Variants in LIPI observed in about 807,000 individuals in gnomAD.
The protein encoded by LIPI is lipase member I.
Under a neutral mutation model 50.6 loss-of-function variants are expected in LIPI, and 59 were observed. The ratio of observed to expected loss-of-function variants is 1.16; its 90% CI spans 0.94 to 1.45. The LOEUF is 1.45. Among genes scored for constraint, LIPI ranks in the 40% most tolerant of loss-of-function variants. The pLI, the probability that LIPI is intolerant of heterozygous loss-of-function variation, is 0.00. For synonymous variants in LIPI, 203 were observed against 178.2 expected, an observed-to-expected ratio of 1.14 and a Z score of -1.11; for missense variants, 586 against 536.3, an observed-to-expected ratio of 1.09 and a Z score of -0.92.
At chr21:14,154,736 TAA>T (rs1049905100) in intron 7 of LIPI, among the ~76,000 whole-genome samples, 13 of 151,858 alleles carry the variant, frequency 8.6e-5, no homozygotes, top group Admixed American at 3.3e-4. Context: ...AGCAAAAAAA[TAA>T]GTTAGTCGCT....
At position 14,175,630 on chromosome 21, in the gene LIPI, G is replaced by C. The variant is rs1275379492; in HGVS notation, c.643+6128C>G. On this transcript the variant is annotated intron_variant, in intron 4 of 9. Transcript: ENST00000681601. Reference sequence around the variant, plus strand: ...TATTCATTATCCCAGTGTTATGAAGGCTTTAAAAATAATAGCTCATAAACC... The same window carrying C: ...TATTCATTATCCCAGTGTTATGAAGCCTTTAAAAATAATAGCTCATAAACC... Among the ~76,000 whole-genome samples the C allele has an allele frequency of 3.9e-5, 6 of 152,058 alleles. No homozygotes were observed. In the South Asian group the frequency reaches 8.3e-4, roughly 21 times the overall value.
chr21:14,181,745 C>T lies in LIPI; in HGVS notation c.643+13G>A, dbSNP rs377625363. 216 of 1,510,584 alleles carry T rather than the reference C, an allele frequency of 1.4e-4. No homozygotes were observed. In the African/African-American group the frequency reaches 2.8e-3, roughly 19 times the overall value. 93.6% of individuals were successfully genotyped at this position (1,510,584 alleles called of 1,614,324 possible). Reference sequence around the variant, plus strand: ...ATTTTCAAATAATTAGGTAATAAATCCTGATTTGTTACCATTGGAGTCAGA... The same window carrying T: ...ATTTTCAAATAATTAGGTAATAAATTCTGATTTGTTACCATTGGAGTCAGA... On this transcript the variant is annotated intron_variant, in intron 4 of 9. Coordinates refer to ENST00000681601, the MANE Select transcript of LIPI (RefSeq NM_001302998.2).
intron 1 of LIPI, among the ~76,000 whole-genome samples, chr21:14,202,135 G>T (rs1285112338): frequency 3.9e-5 from 6 of 152,204 alleles, no homozygotes; most frequent in African/African-American, 1.4e-4. Context: ...GGGATGTGAA[G>T]GACCTCTTCA....
Position 14,189,191 on chromosome 21 carries a change from C to T in LIPI, c.275G>A (p.Trp92Ter). ...GYRPVGSIPLWLQNFVRILLN... is the reference protein window; with the variant it reads ...GYRPVGSIPL The stretch of plus-strand genomic sequence containing the variant: ...CAAAATCCTTACGAAGTTCTGAAGC[C>T]ATAATGGGATGGAGCCTACTGGTCT... The change falls in exon 2 of 10, where the codon TGG (tryptophan) becomes TAG (stop). Residue 92 changes from tryptophan to a stop codon, truncating the protein, a stop_gained. Transcript: ENST00000681601. LOFTEE classifies it high-confidence loss of function. 1 of 1,614,104 alleles carries T rather than the reference C, an allele frequency of 6.2e-7. No individual in the cohort carries two copies.
chr21:14,150,868 G>A (rs1213703200), intron 8 of LIPI, among the ~76,000 whole-genome samples: 2 of 152,084 alleles, frequency 1.3e-5, no homozygotes, highest in Non-Finnish European at 2.9e-5. Flanking sequence ...GGTGACGGAA[G>A]GTTAGTTTAA....
intron 4 of LIPI, among the ~76,000 whole-genome samples, chr21:14,169,570 C>T (rs1267943285): frequency 2.0e-5 from 3 of 152,160 alleles, no homozygotes; most frequent in South Asian, 2.1e-4. Flanking sequence ...CACTCAAAAC[C>T]GTTCAACTAC....
chr21:14,119,862 C>T (rs2155968), intron 9 of LIPI, among the ~76,000 whole-genome samples: 22,236 of 152,130 alleles, frequency 0.15, 1,923 homozygotes, highest in South Asian at 0.21. Context: ...CCTTGTTAGC[C>T]GAGGATGCTA....
intron 4 of LIPI, among the ~76,000 whole-genome samples, chr21:14,168,762 T>G (rs1209168226): frequency 3.9e-5 from 6 of 152,194 alleles, no homozygotes; most frequent in Non-Finnish European, 8.8e-5. Context: ...TGCAAAATCA[T>G]GCCAAATTGT....
At chr21:14,114,898 G>A (rs1451592794) in intron 9 of LIPI, among the ~76,000 whole-genome samples, 1 of 152,148 alleles carries the variant, frequency 6.6e-6, no homozygotes, top group Admixed American at 6.5e-5. Flanking sequence ...GATTATCTTT[G>A]GGGCAACAAA....
At chr21:14,109,300 G>A (rs984294313) in intron 9 of LIPI, among the ~76,000 whole-genome samples, 3 of 152,028 alleles carry the variant, frequency 2.0e-5, no homozygotes, top group African/African-American at 7.2e-5. Context: ...AAAAAAATCT[G>A]TTTCAACTTC....
At chr21:14,197,556 C>T (rs115127864) in intron 1 of LIPI, among the ~76,000 whole-genome samples, 208 of 151,470 alleles carry the variant, frequency 1.4e-3, no homozygotes, top group African/African-American at 3.9e-3. Flanking sequence ...GACAGGCAGA[C>T]AAGAGTAGAG....
At chr21:14,127,681 G>C (rs1434948098) in intron 9 of LIPI, among the ~76,000 whole-genome samples, 1 of 152,102 alleles carries the variant, frequency 6.6e-6, no homozygotes, top group Non-Finnish European at 1.5e-5. Flanking sequence ...GGACAGACCT[G>C]TTTGTCTTTT....
At chr21:14,111,200 A>G (rs757183263) in intron 9 of LIPI, among the ~76,000 whole-genome samples, 6 of 151,864 alleles carry the variant, frequency 4.0e-5, no homozygotes, top group Non-Finnish European at 8.8e-5. Context: ...TTACATTCTT[A>G]TCAGTAGTTA....
intron 1 of LIPI, among the ~76,000 whole-genome samples, chr21:14,210,465 T>A (rs932788078): frequency 6.6e-6 from 1 of 152,104 alleles, no homozygotes; most frequent in African/African-American, 2.4e-5. Context: ...GGCATAATTT[T>A]AAATACCAAA....
At chr21:14,194,507 T>G (rs1422509542) in intron 1 of LIPI, among the ~76,000 whole-genome samples, 1 of 152,066 alleles carries the variant, frequency 6.6e-6, no homozygotes, top group Non-Finnish European at 1.5e-5. Flanking sequence ...TAAGAATAAC[T>G]TTGAAGACAT....
At chr21:14,189,920 TGA>T (rs2019610924) in intron 1 of LIPI, among the ~76,000 whole-genome samples, 1 of 152,110 alleles carries the variant, frequency 6.6e-6, no homozygotes, top group Non-Finnish European at 1.5e-5. Flanking sequence ...ACATGAATGT[TGA>T]GATCATAAGT....
At chr21:14,159,360 T>G (rs961331363) in intron 7 of LIPI, among the ~76,000 whole-genome samples, 4 of 151,478 alleles carry the variant, frequency 2.6e-5, no homozygotes, top group Admixed American at 1.3e-4. Context: ...TAGAATCAAT[T>G]AATATAGTTC....
intron 7 of LIPI, among the ~76,000 whole-genome samples, chr21:14,156,626 T>A (rs1161548768): frequency 6.6e-6 from 1 of 151,952 alleles, no homozygotes; most frequent in Non-Finnish European, 1.5e-5. Flanking sequence ...TTAGTGTAGT[T>A]ATAGAAAATC....
intron 9 of LIPI, among the ~76,000 whole-genome samples, chr21:14,113,537 T>C (rs1439834231): frequency 6.6e-6 from 1 of 152,182 alleles, no homozygotes. Flanking sequence ...AAAGCTATCA[T>C]CACACTGTTG....
Sources: allele counts gnomAD v4.1 joint callset (sites outside exome capture counted in the v4.1 genomes callset), GRCh38; gene constraint gnomAD v4.1.1; transcripts MANE v1.5; gene names NCBI Gene and HGNC (gene_info 2026-07-23, HGNC 2026-07-21).